Variants in BMPER observed in about 807,000 individuals in gnomAD.
BMPER encodes BMP-binding endothelial regulator protein.
Under a neutral mutation model 87.3 loss-of-function variants are expected in BMPER, and 45 were observed. The ratio of observed to expected loss-of-function variants is 0.52; its 90% CI spans 0.41 to 0.66. The LOEUF (loss-of-function observed/expected upper bound fraction) is 0.66. Among genes scored for constraint, BMPER ranks in the 30% least tolerant of loss-of-function variants. The pLI is 0.00. For missense variants in BMPER, 784 were observed against 867.5 expected, an observed-to-expected ratio of 0.90 and a Z score of 1.21; for synonymous variants, 326 against 316.2, an observed-to-expected ratio of 1.03 and a Z score of -0.33.
chr7:33,994,462 C>A (rs1786339711), intron 6 of BMPER, among the ~76,000 whole-genome samples: 1 of 152,202 alleles, frequency 6.6e-6, no homozygotes. Flanking sequence ...TGAGGCAATG[C>A]CTCACCCTGC....
rs115978720 is a variant in BMPER at position 33,967,069 on chromosome 7, T to G, written c.402+508T>G. Among the ~76,000 whole-genome samples the G allele has an allele frequency of 5.3e-3, 804 of 152,324 alleles. 5 individuals carry two copies. Among genetic ancestry groups the G allele is most frequent in the African/African-American group, 0.018 (769 of 41,576 alleles). On this transcript the variant is annotated intron_variant, in intron 4 of 14. Coordinates refer to ENST00000649409, the MANE Select transcript of BMPER (RefSeq NM_001365308.1). ...CCAATTCAGCAACTAGGGAGTCCAC[T>G]GTGGTTGATCCTATTGAACTCTGAA...
At chr7:34,087,587 C>T (rs1294705364) in intron 13 of BMPER, among the ~76,000 whole-genome samples, 1 of 152,184 alleles carries the variant, frequency 6.6e-6, no homozygotes, top group Non-Finnish European at 1.5e-5. Flanking sequence ...AGATTATGAA[C>T]ATGAATGCAT....
At chr7:33,910,217 T>G (rs1783925065) in intron 2 of BMPER, among the ~76,000 whole-genome samples, 1 of 152,200 alleles carries the variant, frequency 6.6e-6, no homozygotes, top group Non-Finnish European at 1.5e-5. Flanking sequence ...TACAAAATGG[T>G]CTTTTATGGG....
At chr7:34,019,479 C>A (rs1165057778) in intron 6 of BMPER, among the ~76,000 whole-genome samples, 2 of 151,996 alleles carry the variant, frequency 1.3e-5, no homozygotes, top group Non-Finnish European at 2.9e-5. Context: ...ATACGCCCAA[C>A]CTCAATACAG....
At chr7:33,941,393 CA>C (rs1454620369) in intron 3 of BMPER, among the ~76,000 whole-genome samples, 2 of 151,432 alleles carry the variant, frequency 1.3e-5, no homozygotes, top group African/African-American at 4.9e-5. Flanking sequence ...TTTCCATGGA[CA>C]GGGGTCGGGG....
chr7:34,028,786 T>C (rs373475231), intron 6 of BMPER, among the ~76,000 whole-genome samples: 19 of 151,768 alleles, frequency 1.3e-4, no homozygotes, highest in African/African-American at 4.4e-4. Flanking sequence ...TGAAGCAGAA[T>C]AGAGGAGCCT....
chr7:33,934,448 C>T (rs899028767), intron 2 of BMPER, among the ~76,000 whole-genome samples: 3 of 147,980 alleles, frequency 2.0e-5, no homozygotes, highest in African/African-American at 2.5e-5. Flanking sequence ...TAAAAACTCC[C>T]AGTGTAATCA....
At chr7:34,009,875 G>C (rs1786833292) in intron 6 of BMPER, among the ~76,000 whole-genome samples, 1 of 151,850 alleles carries the variant, frequency 6.6e-6, no homozygotes, top group Admixed American at 6.6e-5. Context: ...GTGTTGACTA[G>C]CTACTTATTC....
At chr7:34,045,462 C>T (rs1787937222) in intron 6 of BMPER, among the ~76,000 whole-genome samples, 1 of 152,002 alleles carries the variant, frequency 6.6e-6, no homozygotes. Flanking sequence ...TGAGGTTAAA[C>T]CAGGAGGGCA....
At chr7:33,980,285 C>T (rs1414245628) in intron 6 of BMPER, among the ~76,000 whole-genome samples, 3 of 152,202 alleles carry the variant, frequency 2.0e-5, no homozygotes, top group Non-Finnish European at 4.4e-5. Context: ...ATATAGCGGT[C>T]TGAGTCATAC....
chr7:34,119,008 T>A (rs1159981582), intron 13 of BMPER, among the ~76,000 whole-genome samples: 1,523 of 36,466 alleles, frequency 0.042, 18 homozygotes, highest in Middle Eastern at 0.13. Context: ...TCTCTCTCTC[T>A]CTCTCTCACA....
chr7:34,102,560 T>A (rs1789709492), intron 13 of BMPER, among the ~76,000 whole-genome samples: 1 of 152,136 alleles, frequency 6.6e-6, no homozygotes, highest in South Asian at 2.1e-4. Context: ...CCTAACCACA[T>A]ACATAGAGTG....
chr7:33,981,259 A>G (rs1562667014), intron 6 of BMPER, among the ~76,000 whole-genome samples: 1 of 152,128 alleles, frequency 6.6e-6, no homozygotes, highest in Non-Finnish European at 1.5e-5. Context: ...ACATGATCCC[A>G]GAGGTTCATG....
intron 6 of BMPER, among the ~76,000 whole-genome samples, chr7:34,037,700 C>T (rs763250182): frequency 7.9e-5 from 12 of 152,220 alleles, no homozygotes; most frequent in Non-Finnish European, 1.6e-4. Flanking sequence ...AGTTTTCTTA[C>T]TTCATTAACA....
Position 34,057,808 on chromosome 7 carries a change from T to A in BMPER, c.928-251T>A, listed in dbSNP as rs187395482. Among the ~76,000 whole-genome samples the A allele has an allele frequency of 7.0e-4, 106 of 150,486 alleles. 1 individual carries two copies. The highest frequency in any genetic ancestry group is 2.5e-3 in the African/African-American group (102 of 40,466). ...TATGACTTGGTTAAACACACAATAA[T>A]TATTTTTATATCCAGGAGGGGGAAC... On this transcript the variant is annotated intron_variant, in intron 9 of 14. Coordinates refer to ENST00000649409, the MANE Select transcript of BMPER (RefSeq NM_001365308.1).
At chr7:34,108,154 A>ATTCC (rs1460956331) in intron 13 of BMPER, among the ~76,000 whole-genome samples, 7 of 152,222 alleles carry the variant, frequency 4.6e-5, no homozygotes, top group Non-Finnish European at 8.8e-5. Flanking sequence ...GCCTGCATTG[A>ATTCC]TTCCATAAGT....
intron 8 of BMPER, among the ~76,000 whole-genome samples, chr7:34,053,119 A>G (rs1788189205): frequency 6.6e-6 from 1 of 152,068 alleles, no homozygotes; most frequent in African/African-American, 2.4e-5. Context: ...GGATTTAGTT[A>G]TGCTTGCCGT....
intron 6 of BMPER, among the ~76,000 whole-genome samples, chr7:33,993,837 C>G (rs907811180): frequency 6.6e-6 from 1 of 152,194 alleles, no homozygotes; most frequent in African/African-American, 2.4e-5. Context: ...TTCCTTCTAA[C>G]AGACAGGACC....
At chr7:33,991,345 G>T (rs1408013646) in intron 6 of BMPER, among the ~76,000 whole-genome samples, 1 of 152,104 alleles carries the variant, frequency 6.6e-6, no homozygotes, top group Non-Finnish European at 1.5e-5. Flanking sequence ...TTAGTCTTGG[G>T]AGAGTGTATG....
Sources: allele counts gnomAD v4.1 joint callset (sites outside exome capture counted in the v4.1 genomes callset), GRCh38; gene constraint gnomAD v4.1.1; transcripts MANE v1.5; gene names NCBI Gene and HGNC (gene_info 2026-07-23, HGNC 2026-07-21).